Variants in OR51B5 observed in about 807,000 individuals in gnomAD.
OR51B5 encodes the protein olfactory receptor 51B5.
For missense variants in OR51B5, 456 were observed against 374.6 expected, an observed-to-expected ratio of 1.22 and a Z score of -1.79; for synonymous variants, 186 against 144.8, an observed-to-expected ratio of 1.28 and a Z score of -2.04.
chr11:5,489,117 C>A (rs572993147), intron 1 of OR51B5: 2 of 1,613,946 alleles, frequency 1.2e-6, no homozygotes, highest in South Asian at 1.1e-5. Context: ...GGTACACAAC[C>A]ATTCTCAACC....
intron 1 of OR51B5, among the ~76,000 whole-genome samples, chr11:5,450,137 C>T (rs1850821640): frequency 2.0e-5 from 3 of 152,232 alleles, no homozygotes; most frequent in Middle Eastern, 6.8e-3. Flanking sequence ...ACCTGTAATC[C>T]CAGCACTTTG....
At chr11:5,497,018 C>T (rs1851659181) in intron 1 of OR51B5, among the ~76,000 whole-genome samples, 1 of 148,728 alleles carries the variant, frequency 6.7e-6, no homozygotes, top group Non-Finnish European at 1.5e-5. Flanking sequence ...AGATCCCATC[C>T]ACAGAAGATG....
intron 1 of OR51B5, among the ~76,000 whole-genome samples, chr11:5,384,590 G>T (rs1849656601): frequency 6.6e-6 from 1 of 152,240 alleles, no homozygotes; most frequent in Non-Finnish European, 1.5e-5. Flanking sequence ...ATCATGTCTA[G>T]AAGTCAGGAT....
rs553593201 is a variant in OR51B5 at position 5,443,438 on chromosome 11, C to T, written n.84+62131G>A. ...TTATGGGCTACTCTCCTTGCTAAAC[C>T]TCTCTTCCCCTAAACCCACATTTAA... is the stretch of plus-strand genomic sequence containing the variant. On this transcript the variant is annotated intron_variant and non_coding_transcript_variant, in intron 1 of 4. Transcript: ENST00000415970. Among the ~76,000 whole-genome samples the T allele has an allele frequency of 2.6e-5, 4 of 151,946 alleles. No homozygotes were observed. In the South Asian group the frequency reaches 8.3e-4, roughly 32 times the overall value.
intron 1 of OR51B5, among the ~76,000 whole-genome samples, chr11:5,446,188 G>A (rs1398277098): frequency 1.3e-5 from 2 of 151,884 alleles, no homozygotes; most frequent in East Asian, 3.9e-4. Context: ...CACCAACATG[G>A]CACATGTATA....
At chr11:5,406,050 C>T (rs1850054111) in intron 1 of OR51B5, among the ~76,000 whole-genome samples, 1 of 152,244 alleles carries the variant, frequency 6.6e-6, no homozygotes, top group South Asian at 2.1e-4. Flanking sequence ...AGATGTCCCA[C>T]AACTAGGGAG....
chr11:5,435,147 A>G lies in OR51B5; in HGVS notation n.84+70422T>C, dbSNP rs116644017. ...ATCTGAATCAAGAGTCCAATCTTGT[A>G]CCCACTGAGAGAATGTCCATCTTTA... On this transcript the variant is annotated intron_variant and non_coding_transcript_variant, in intron 1 of 4. Transcript: ENST00000415970. 9.9e-3 allele frequency among the ~76,000 whole-genome samples: 1,507 copies of G among 152,332 alleles called. 28 individuals are homozygous for G. Among genetic ancestry groups the G allele is most frequent in the African/African-American group, 0.035 (1,443 of 41,574 alleles).
At chr11:5,408,097 T>C (rs1435372880) in intron 1 of OR51B5, among the ~76,000 whole-genome samples, 1 of 151,996 alleles carries the variant, frequency 6.6e-6, no homozygotes, top group Non-Finnish European at 1.5e-5. Context: ...TACATCACTC[T>C]TTTTCTCTCT....
At chr11:5,357,307 A>G (rs1424645727) in intron 1 of OR51B5, among the ~76,000 whole-genome samples, 1 of 151,900 alleles carries the variant, frequency 6.6e-6, no homozygotes. Context: ...GAAAACAAAA[A>G]AAGGCAGGGG....
rs1590015282 is a variant in OR51B5, at chr11:5,469,018, G to A, written n.84+36551C>T. The A allele has an allele frequency of 1.3e-5, 4 of 314,026 alleles. No homozygotes were observed. The East Asian group carries it at 3.6e-4, about 28-fold the overall frequency. The allele number at this position is 314,026 out of a possible 1,614,324, so 19.5% of individuals were successfully genotyped here. ...CCACACGGACATCAGTGAGCACTGT[G>A]GCATAGCGCAGCGGGTTACAGATGG... On this transcript the variant is annotated intron_variant and non_coding_transcript_variant, in intron 1 of 4. Transcript: ENST00000415970.
intron 1 of OR51B5, among the ~76,000 whole-genome samples, chr11:5,478,272 G>A (rs1393971373): frequency 6.6e-6 from 1 of 151,972 alleles, no homozygotes; most frequent in East Asian, 1.9e-4. Context: ...ACACGGCAGG[G>A]TATTCCAACA....
At chr11:5,385,827 A>G (rs1052645784) in intron 1 of OR51B5, among the ~76,000 whole-genome samples, 1 of 148,778 alleles carries the variant, frequency 6.7e-6, no homozygotes, top group African/African-American at 2.4e-5. Flanking sequence ...TATATAAAGA[A>G]TATATAATGT....
At chr11:5,409,061 G>C (rs902713747) in intron 1 of OR51B5, among the ~76,000 whole-genome samples, 8 of 152,106 alleles carry the variant, frequency 5.3e-5, no homozygotes, top group Non-Finnish European at 1.2e-4. Context: ...TGACTTCTAA[G>C]CAGGATGTTG....
chr11:5,420,445 A>T (rs1318037900), intron 1 of OR51B5, among the ~76,000 whole-genome samples: 1 of 152,000 alleles, frequency 6.6e-6, no homozygotes, highest in Non-Finnish European at 1.5e-5. Context: ...TAACTTTGTC[A>T]TATAGTTTTT....
intron 1 of OR51B5, among the ~76,000 whole-genome samples, chr11:5,350,553 T>TC (rs1849063739): frequency 6.6e-6 from 1 of 152,150 alleles, no homozygotes; most frequent in Non-Finnish European, 1.5e-5. Context: ...CACAGAGCCT[T>TC]CTCACTTTTG....
chr11:5,375,188 TAAAGG>T (rs2133711373), intron 1 of OR51B5, among the ~76,000 whole-genome samples: 1 of 146,820 alleles, frequency 6.8e-6, no homozygotes, highest in East Asian at 2.0e-4. Context: ...TCAACATCCT[TAAAGG>T]AAAGAATTTT....
chr11:5,351,692 C>G (rs1410388004), intron 1 of OR51B5: 4 of 1,613,986 alleles, frequency 2.5e-6, no homozygotes, highest in Non-Finnish European at 3.4e-6. Flanking sequence ...TATTTCTTAG[C>G]TATGTTGGCA....
intron 1 of OR51B5, among the ~76,000 whole-genome samples, chr11:5,467,051 C>T (rs984588623): frequency 6.6e-6 from 1 of 152,180 alleles, no homozygotes; most frequent in African/African-American, 2.4e-5. Flanking sequence ...ATTTGCTGGA[C>T]ATTTTTGAGA....
chr11:5,390,368 G>A (rs1030665239), intron 1 of OR51B5: 1 of 1,596,122 alleles, frequency 6.3e-7, no homozygotes, highest in Admixed American at 1.7e-5. Context: ...TCTTAAAAAG[G>A]CCAGTAAATG....
Sources: allele counts gnomAD v4.1 joint callset (sites outside exome capture counted in the v4.1 genomes callset), GRCh38; gene constraint gnomAD v4.1.1; transcripts MANE v1.5; gene names NCBI Gene and HGNC (gene_info 2026-07-23, HGNC 2026-07-21).